The following GNPTAB variants were observed in gnomAD, a reference collection of about 807,000 sequenced individuals.
The protein encoded by GNPTAB is N-acetylglucosamine-1-phosphotransferase subunits alpha/beta.
Under a neutral mutation model 136.6 loss-of-function variants are expected in GNPTAB, and 92 were observed. The observed-to-expected ratio is 0.67, with a 90% CI of 0.57 to 0.80. The LOEUF (loss-of-function observed/expected upper bound fraction) is 0.80. GNPTAB is among the 30% of genes least tolerant of loss of function. GNPTAB has a pLI of 0.00. For missense variants in GNPTAB, 1,343 were observed against 1,501.8 expected, an observed-to-expected ratio of 0.89 and a Z score of 1.75; for synonymous variants, 512 against 535.1, an observed-to-expected ratio of 0.96 and a Z score of 0.60.
At chr12:101,813,491 T>C (rs1266295870) in intron 1 of GNPTAB, among the ~76,000 whole-genome samples, 1 of 152,226 alleles carries the variant, frequency 6.6e-6, no homozygotes, top group Non-Finnish European at 1.5e-5. Context: ...GAACATGATA[T>C]AATCTGATTC....
chr12:101,812,009 T>C (rs368476226), intron 1 of GNPTAB, among the ~76,000 whole-genome samples: 47 of 147,842 alleles, frequency 3.2e-4, no homozygotes, highest in African/African-American at 1.1e-3. Flanking sequence ...CCCAGCACTT[T>C]GGGAGGCCGA....
chr12:101,796,086 GGTAAGC>G (rs1869264834), intron 2 of GNPTAB: 1 of 603,058 alleles, frequency 1.7e-6, no homozygotes, highest in Non-Finnish European at 2.9e-6. Context: ...CTCCCTCATA[GGTAAGC>G]AGCAAGAGTG....
intron 2 of GNPTAB, among the ~76,000 whole-genome samples, chr12:101,795,021 C>T (rs955137359): frequency 1.3e-5 from 2 of 152,164 alleles, no homozygotes; most frequent in Non-Finnish European, 2.9e-5. Context: ...CAGCATAAGG[C>T]ACAAATCAAT....
chr12:101,761,188 A>C lies in GNPTAB; in HGVS notation c.3074T>G (p.Leu1025Trp). 1.9e-6 allele frequency: 3 copies of C among 1,614,160 alleles called. No individual in the cohort carries two copies. Among genetic ancestry groups the C allele is most frequent in the Non-Finnish European group, 2.5e-6 (3 of 1,179,966 alleles). The change falls in exon 15 of 21, where the codon TTG becomes TGG. Residue 1025 changes from leucine (L) to tryptophan (W), a missense_variant. By Grantham distance (61) the Leu-to-Trp change is moderately conservative. Coordinates refer to ENST00000299314, the MANE Select transcript of GNPTAB (RefSeq NM_024312.5). ...CAGTGTTCGGATTTCTCTGTCAGACAAGACACCAGATTGATCTGTATCAAC... is the reference window on the plus strand; with the variant it reads ...CAGTGTTCGGATTTCTCTGTCAGACCAGACACCAGATTGATCTGTATCAAC... ...DEVDTDQSGV[L>W]SDREIRTLAT...
intron 16 of GNPTAB, among the ~76,000 whole-genome samples, chr12:101,758,062 G>T (rs1352513441): frequency 2.7e-5 from 4 of 146,364 alleles, no homozygotes; most frequent in African/African-American, 1.0e-4. Context: ...TTTTTGAGAC[G>T]GAGTCTCACT....
intron 1 of GNPTAB, among the ~76,000 whole-genome samples, chr12:101,826,792 T>C (rs1871103989): frequency 6.6e-6 from 1 of 152,014 alleles, no homozygotes. Context: ...AAACCAGAAG[T>C]TTCTAAGCTA....
chr12:101,829,066 T>C (rs1439498647), intron 1 of GNPTAB, among the ~76,000 whole-genome samples: 2 of 152,266 alleles, frequency 1.3e-5, no homozygotes, highest in Non-Finnish European at 2.9e-5. Context: ...TGGCACTGTC[T>C]GCCTCTCATT....
At chr12:101,792,539 C>T (rs1289561788) in intron 2 of GNPTAB, among the ~76,000 whole-genome samples, 3 of 152,320 alleles carry the variant, frequency 2.0e-5, no homozygotes, top group Admixed American at 6.5e-5. Context: ...AAAGATGAAA[C>T]GAACTTGCAG....
At chr12:101,781,449 T>C (rs534164570) in intron 5 of GNPTAB, among the ~76,000 whole-genome samples, 11 of 152,288 alleles carry the variant, frequency 7.2e-5, no homozygotes, top group African/African-American at 2.6e-4. Context: ...GAGTATCACT[T>C]GAGCCCAGAA....
At position 101,748,373 on chromosome 12, in the gene GNPTAB, GGAGGCA is replaced by G. The variant is rs139059034; in HGVS notation, c.3693+722_3693+727del. ...GCTCCACTCAATAGTCACCTTGATTGGAGGCAGAGGCCAAGTCACTTGCCACACCCA... is the reference window on the plus strand; with the variant it reads ...GCTCCACTCAATAGTCACCTTGATTGGAGGCCAAGTCACTTGCCACACCCA... On this transcript the variant is annotated intron_variant, in intron 20 of 20. Transcript: ENST00000299314. 4.1e-4 allele frequency among the ~76,000 whole-genome samples: 63 copies of G among 152,320 alleles called. No individual in the cohort carries two copies. The East Asian group carries it at 0.011, about 27-fold the overall frequency.
chr12:101,781,975 T>C (rs1868372396), intron 5 of GNPTAB, among the ~76,000 whole-genome samples: 1 of 152,224 alleles, frequency 6.6e-6, no homozygotes, highest in Non-Finnish European at 1.5e-5. Context: ...TAACCAATTC[T>C]ACCAAAGAGG....
At chr12:101,787,451 A>G (rs1868718780) in intron 4 of GNPTAB, among the ~76,000 whole-genome samples, 2 of 152,226 alleles carry the variant, frequency 1.3e-5, no homozygotes, top group Non-Finnish European at 1.5e-5. Flanking sequence ...CAGTTGTTAA[A>G]TAAGATTTAT....
Position 101,749,178 on chromosome 12 carries a change from C to T in GNPTAB, c.3616G>A (p.Asp1206Asn), listed in dbSNP as rs963876133. 7 of 1,605,814 alleles carry T rather than the reference C, an allele frequency of 4.4e-6. No homozygotes were observed. In the African/African-American group the frequency reaches 6.7e-5, roughly 15 times the overall value. The change falls in exon 20 of 21, where the codon GAC (aspartate) becomes AAC (asparagine). Residue 1206 changes from aspartate (D) to asparagine (N), a missense_variant. By Grantham distance (23) the Asp-to-Asn change is conservative. Coordinates refer to ENST00000299314, the MANE Select transcript of GNPTAB (RefSeq NM_024312.5). Reference sequence around the variant, plus strand: ...CAATGGGTCCAAAACTTCAATTTGTCTCGATAAGCCCTCCTGTGCAGAGAG... The same window carrying T: ...CAATGGGTCCAAAACTTCAATTTGTTTCGATAAGCCCTCCTGTGCAGAGAG... ...HELQEWRAYR[D>N]KLKFWTHCVL...
chr12:101,819,373 T>C (rs539161781), intron 1 of GNPTAB, among the ~76,000 whole-genome samples: 10 of 152,134 alleles, frequency 6.6e-5, no homozygotes, highest in Non-Finnish European at 1.5e-4. Flanking sequence ...AGTATGAAAA[T>C]GGACTAATAC....
intron 20 of GNPTAB, among the ~76,000 whole-genome samples, chr12:101,747,465 ACCCAAGAGGATTAAAATTATTTCGG>A (rs572811842): frequency 2.0e-5 from 3 of 152,288 alleles, no homozygotes; most frequent in African/African-American, 7.2e-5. Context: ...CCACAAAGAG[ACCCAAGAGGATTAAAATTATTTCGG>A]CCCATGCTTC....
intron 1 of GNPTAB, among the ~76,000 whole-genome samples, chr12:101,811,908 G>A (rs1161649656): frequency 1.3e-5 from 2 of 150,824 alleles, no homozygotes; most frequent in African/African-American, 4.9e-5. Context: ...CAAAGTGCTG[G>A]GATTACAGGC....
chr12:101,757,702 A>T (rs1334057838), intron 16 of GNPTAB, 45 bp from the exon 17 acceptor site: 8 of 939,094 alleles, frequency 8.5e-6, no homozygotes, highest in Non-Finnish European at 1.4e-5. Flanking sequence ...CAGAGCTGAA[A>T]CTAGGGCAAT....
At chr12:101,808,650 T>C (rs1226549253) in intron 1 of GNPTAB, among the ~76,000 whole-genome samples, 1 of 152,154 alleles carries the variant, frequency 6.6e-6, no homozygotes, top group Non-Finnish European at 1.5e-5. Flanking sequence ...TCAGTTGTAC[T>C]AATTAAAAAC....
chr12:101,806,751 G>T (rs537437642), intron 1 of GNPTAB, among the ~76,000 whole-genome samples: 5 of 152,050 alleles, frequency 3.3e-5, no homozygotes, highest in Admixed American at 6.6e-5. Flanking sequence ...TCTGAATAGG[G>T]CTATATCTAT....
Sources: gnomAD v4.1 joint callset for allele counts (sites outside exome capture counted in the v4.1 genomes callset) on GRCh38, gnomAD v4.1.1 for gene constraint, MANE v1.5 for transcripts, NCBI Gene and HGNC (gene_info 2026-07-23, HGNC 2026-07-21) for gene names.